Variants in LHX4 observed in about 807,000 individuals in gnomAD.
The protein encoded by LHX4 is LIM/homeobox protein Lhx4.
A neutral mutation model predicts 39.2 loss-of-function variants in LHX4; 16 were observed. The ratio of observed to expected loss-of-function variants is 0.41; its 90% CI spans 0.28 to 0.62. LHX4 has a LOEUF of 0.62. LHX4 is among the 20% of genes least tolerant of loss of function. The probability of loss-of-function intolerance (pLI) is 0.33; values close to 1 mark genes in which losing one functional copy is unlikely to be tolerated. For missense variants in LHX4, 439 were observed against 511.9 expected (o/e 0.86, Z 1.37); for synonymous variants, 206 against 198.1 (o/e 1.04, Z -0.33).
At chr1:180,238,571 T>C (rs554722700) in intron 1 of LHX4, among the ~76,000 whole-genome samples, 11 of 152,352 alleles carry the variant, frequency 7.2e-5, no homozygotes, top group African/African-American at 2.6e-4. Context: ...GCTCTCTTTC[T>C]TTAATGCTGC....
chr1:180,236,880 GCAC>G (rs3024229), intron 1 of LHX4, among the ~76,000 whole-genome samples: 15,782 of 152,252 alleles, frequency 0.1, 902 homozygotes, highest in South Asian at 0.19. Flanking sequence ...TGCTGTGGCA[GCAC>G]CAAATACATG....
At chr1:180,228,739 A>T (rs355616), upstream of LHX4, among the ~76,000 whole-genome samples, 3,260 of 152,268 alleles carry the variant, frequency 0.021, 104 homozygotes, top group African/African-American at 0.072. Flanking sequence ...AATTCTAAGC[A>T]GCGCAGACGA....
At chr1:180,229,971 G>GGGC (rs1664132242), upstream of LHX4, among the ~76,000 whole-genome samples, 1 of 141,660 alleles carries the variant, frequency 7.1e-6, no homozygotes, top group African/African-American at 2.7e-5. Context: ...GGGAGGGGGG[G>GGGC]GGGGTGCCGG....
intron 1 of LHX4, among the ~76,000 whole-genome samples, chr1:180,233,118 C>A (rs965389279): frequency 1.3e-5 from 2 of 152,242 alleles, no homozygotes; most frequent in Non-Finnish European, 2.9e-5. Flanking sequence ...CAGCTTATTT[C>A]GGCGGCAGCT....
At chr1:180,258,513 T>C (rs1475282118) in intron 2 of LHX4, among the ~76,000 whole-genome samples, 1 of 152,172 alleles carries the variant, frequency 6.6e-6, no homozygotes, top group African/African-American at 2.4e-5. Flanking sequence ...GTGGCGACCA[T>C]GTGCAGAAGT....
intron 2 of LHX4, among the ~76,000 whole-genome samples, chr1:180,256,375 C>T (rs924583517): frequency 2.6e-5 from 4 of 152,168 alleles, no homozygotes; most frequent in Non-Finnish European, 5.9e-5. Context: ...TCACTCTGGT[C>T]CCCGGAGGCC....
intron 1 of LHX4, among the ~76,000 whole-genome samples, chr1:180,245,440 CTGAG>C (rs1308651636): frequency 6.6e-6 from 1 of 152,182 alleles, no homozygotes; most frequent in Non-Finnish European, 1.5e-5. Context: ...AGGGGTGTGG[CTGAG>C]TGAGTACCTG....
At chr1:180,258,249 G>T (rs1292284160) in intron 2 of LHX4, among the ~76,000 whole-genome samples, 8 of 152,222 alleles carry the variant, frequency 5.3e-5, no homozygotes, top group African/African-American at 1.9e-4. Flanking sequence ...CCCTGAGCAG[G>T]TGACATTTCA....
intron 2 of LHX4, among the ~76,000 whole-genome samples, chr1:180,264,497 G>T (rs1027913497): frequency 1.1e-4 from 17 of 152,110 alleles, no homozygotes; most frequent in Admixed American, 6.5e-5. Flanking sequence ...GTTCTCACCT[G>T]TGTTCTGGGA....
intron 2 of LHX4, among the ~76,000 whole-genome samples, chr1:180,253,771 G>T (rs772083183): frequency 2.0e-5 from 3 of 152,280 alleles, no homozygotes; most frequent in South Asian, 4.1e-4. Context: ...CCCTTGACCC[G>T]CAGCCCTGCA....
chr1:180,234,218 T>TATATATAA lies in LHX4; in HGVS notation c.76+3616_76+3617insTATAAATA, dbSNP rs1558207278. Among the ~76,000 whole-genome samples, 1 of 70,732 alleles carries TATATATAA rather than the reference T, an allele frequency of 1.4e-5. No individual in the cohort carries two copies. The highest frequency in any genetic ancestry group is 7.7e-5 in the African/African-American group (1 of 13,060). 46.4% of individuals were successfully genotyped at this position (70,732 alleles called of 152,430 possible). A position where few individuals can be genotyped will look rare whatever the true frequency, so the allele number is the denominator to read the frequency against. The stretch of plus-strand genomic sequence containing the variant: ...ATATATATATATATATATATATATA[T>TATATATAA]ATAATAGATTGAGATTCTATCATAT... On this transcript the variant is annotated intron_variant, in intron 1 of 5. Transcript: ENST00000263726. This position sits in a 1 kb window ranked among gnomAD's most constrained non-coding sequence, Gnocchi z 4.8.
chr1:180,234,228 T>G lies in LHX4; in HGVS notation c.76+3623T>G, dbSNP rs544520494. Reference sequence around the variant, plus strand: ...ATATATATATATATATATAATAGATTGAGATTCTATCATATTCCGAACATT... The same window carrying G: ...ATATATATATATATATATAATAGATGGAGATTCTATCATATTCCGAACATT... On this transcript the variant is annotated intron_variant, in intron 1 of 5. Transcript: ENST00000263726. This position sits in a 1 kb window ranked among gnomAD's most constrained non-coding sequence, Gnocchi z 4.8. Among the ~76,000 whole-genome samples, 1 of 114,460 alleles carries G rather than the reference T, an allele frequency of 8.7e-6. No homozygotes were observed. Among genetic ancestry groups the G allele is most frequent in the South Asian group, 2.7e-4 (1 of 3,666 alleles). 75.1% of individuals were successfully genotyped at this position (114,460 alleles called of 152,430 possible). A position where few individuals can be genotyped will look rare whatever the true frequency, so the allele number is the denominator to read the frequency against.
At position 180,278,390 on chromosome 1, in the gene LHX4, A is replaced by C. The variant is rs1159171742; in HGVS notation, c.*3811A>C. ...GGCCCTTTTTGCAGTAGTTGCTCCA[A>C]CTGTTCTAAACAGTGAGTGACTGGA... On this transcript the variant is annotated 3_prime_UTR_variant, in exon 6 of 6. Coordinates refer to ENST00000263726, the MANE Select transcript of LHX4 (RefSeq NM_033343.4). 6.6e-6 allele frequency: 1 copy of C among 152,004 alleles called. No individual in the cohort carries two copies. Among genetic ancestry groups the C allele is most frequent in the Non-Finnish European group, 1.5e-5 (1 of 67,996 alleles). The allele number at this position is 152,004 out of a possible 1,614,324, so 9.4% of individuals were successfully genotyped here.
upstream of LHX4, among the ~76,000 whole-genome samples, chr1:180,229,324 G>A (rs547897036): frequency 2.6e-5 from 4 of 152,304 alleles, no homozygotes; most frequent in South Asian, 8.3e-4. Flanking sequence ...TGGCAGGGCG[G>A]CCGGGGAGGC....
rs878982591 is a variant in LHX4, at chr1:180,266,654, G to A, written c.451+60G>A. On this transcript the variant is annotated intron_variant, in intron 3 of 5. Coordinates refer to ENST00000263726, the MANE Select transcript of LHX4 (RefSeq NM_033343.4). This position sits in a 1 kb window ranked among gnomAD's most constrained non-coding sequence, Gnocchi z 5.7. The stretch of plus-strand genomic sequence containing the variant: ...GGCCTTTGTTTGGGCCACGCCCTCT[G>A]CCTGAGGTGCCCTTCTCATGGCGTC... The A allele has an allele frequency of 2.2e-5, 34 of 1,523,696 alleles. No homozygotes were observed. The highest frequency in any genetic ancestry group is 3.1e-5 in the Non-Finnish European group (34 of 1,112,878). The allele number at this position is 1,523,696 out of a possible 1,614,324, so 94.4% of individuals were successfully genotyped here.
chr1:180,250,085 C>T (rs1450173389), intron 2 of LHX4, among the ~76,000 whole-genome samples: 1 of 152,096 alleles, frequency 6.6e-6, no homozygotes, highest in Non-Finnish European at 1.5e-5. Context: ...GACCTCTGGT[C>T]CTTCCTCTGA....
chr1:180,268,810 G>A (rs1300268664), intron 3 of LHX4, among the ~76,000 whole-genome samples: 1 of 152,172 alleles, frequency 6.6e-6, no homozygotes, highest in Non-Finnish European at 1.5e-5. Flanking sequence ...CCTCTGTCCT[G>A]GGCAATCGGT....
At chr1:180,270,865 T>TG in intron 3 of LHX4, 2 of 216,772 alleles carry the variant, frequency 9.2e-6, no homozygotes, top group South Asian at 1.5e-4. Context: ...TAGACACTGT[T>TG]GGGTGTGCAA....
chr1:180,274,931 A>T lies in LHX4; in HGVS notation c.*352A>T, dbSNP rs1230782461. On this transcript the variant is annotated 3_prime_UTR_variant, in exon 6 of 6. Transcript: ENST00000263726. ...TGATAGGCCCCCTTGGCCTTTGGGA[A>T]CTTTGCTCCAACTGGTGTGTCTCAC... 4.7e-6 allele frequency: 1 copy of T among 211,342 alleles called. No homozygotes were observed. Among genetic ancestry groups the T allele is most frequent in the African/African-American group, 2.3e-5 (1 of 44,074 alleles). 13.1% of individuals were successfully genotyped at this position (211,342 alleles called of 1,614,324 possible). A position where few individuals can be genotyped will look rare whatever the true frequency, so the allele number is the denominator to read the frequency against.
Sources: gnomAD v4.1 joint callset for allele counts (sites outside exome capture counted in the v4.1 genomes callset) on GRCh38, gnomAD v4.1.1 for gene constraint, Gnocchi (gnomAD v3.1) non-coding constraint, MANE v1.5 for transcripts, NCBI Gene and HGNC (gene_info 2026-07-23, HGNC 2026-07-21) for gene names.